Variants in DIPK1A observed in about 807,000 individuals in gnomAD.
The protein encoded by DIPK1A is divergent protein kinase domain 1A, also known as family with sequence similarity 69 member A.
A neutral mutation model predicts 40.8 loss-of-function variants in DIPK1A; 27 were observed. The observed-to-expected ratio is 0.66, with a 90% confidence interval of 0.49 to 0.91. DIPK1A has a LOEUF of 0.91. Ranked by LOEUF, DIPK1A falls within the 40% of genes least tolerant of loss-of-function variation. The pLI is 0.00. For synonymous variants in DIPK1A, 166 were observed against 171.3 expected, an observed-to-expected ratio of 0.97 and a Z score of 0.24; for missense variants, 412 against 505.7, an observed-to-expected ratio of 0.81 and a Z score of 1.78.
chr1:92,870,268 C>T (rs1285002516), intron 2 of DIPK1A, among the ~76,000 whole-genome samples: 1 of 152,146 alleles, frequency 6.6e-6, no homozygotes, highest in Non-Finnish European at 1.5e-5. Flanking sequence ...CTTTGTTGCC[C>T]AGGCTGGAGT....
At chr1:92,846,545 T>G (rs965938392) in intron 4 of DIPK1A, 7 of 422,540 alleles carry the variant, frequency 1.7e-5, no homozygotes, top group Non-Finnish European at 3.3e-5. Flanking sequence ...TCCAATTAAT[T>G]AATGAACTCC....
intron 1 of DIPK1A, among the ~76,000 whole-genome samples, chr1:92,897,662 A>C (rs1415791860): frequency 1.3e-5 from 2 of 152,204 alleles, no homozygotes; most frequent in Non-Finnish European, 2.9e-5. Context: ...ATAATAAAAA[A>C]AAAATTTCCT....
chr1:92,836,826 G>A (rs1167437698), intron 4 of DIPK1A: 1 of 208,424 alleles, frequency 4.8e-6, no homozygotes, highest in Non-Finnish European at 9.8e-6. Flanking sequence ...CCTGCAACTA[G>A]GAATAAGATT....
chr1:92,835,265 C>T (rs1228544986), intron 4 of DIPK1A: 4 of 363,502 alleles, frequency 1.1e-5, no homozygotes, highest in Non-Finnish European at 2.1e-5. Flanking sequence ...TGTTGGCAAA[C>T]ATTAAAAATG....
Position 92,842,567 on chromosome 1 carries a change from G to A in DIPK1A, c.*816C>T. On this transcript the variant is annotated 3_prime_UTR_variant, in exon 5 of 5. Transcript: ENST00000370310. ...AGGATATACTGTTTGAAAATGGAAA[G>A]TTATTACTAAAAAGTCTGCTATAAT... The A allele has an allele frequency of 1.0e-6, 1 of 984,676 alleles. No homozygotes were observed. The highest frequency in any genetic ancestry group is 1.2e-6 in the Non-Finnish European group (1 of 829,674). 61.0% of individuals were successfully genotyped at this position (984,676 alleles called of 1,614,324 possible). A position where few individuals can be genotyped will look rare whatever the true frequency, so the allele number is the denominator to read the frequency against.
chr1:92,877,568 G>A (rs753736686), intron 1 of DIPK1A, among the ~76,000 whole-genome samples: 9 of 152,196 alleles, frequency 5.9e-5, no homozygotes, highest in Non-Finnish European at 1.3e-4. Flanking sequence ...CCTATTTGTG[G>A]TTTAGATATC....
chr1:92,913,763 C>A (rs1038183136), intron 1 of DIPK1A, among the ~76,000 whole-genome samples: 1 of 152,208 alleles, frequency 6.6e-6, no homozygotes, highest in Non-Finnish European at 1.5e-5. Context: ...TTGGCCCTCT[C>A]TGCCTGTCTC....
chr1:92,863,564 T>C (rs749263314), intron 2 of DIPK1A, among the ~76,000 whole-genome samples: 1 of 94,366 alleles, frequency 1.1e-5, no homozygotes, highest in Non-Finnish European at 2.1e-5. Context: ...AAGACCCCTG[T>C]CTCTACCAAA....
At chr1:92,900,966 G>C (rs1275135891) in intron 1 of DIPK1A, among the ~76,000 whole-genome samples, 1 of 151,886 alleles carries the variant, frequency 6.6e-6, no homozygotes, top group Non-Finnish European at 1.5e-5. Flanking sequence ...GGTTTTCATA[G>C]AGAAAAACTT....
intron 1 of DIPK1A, among the ~76,000 whole-genome samples, chr1:92,897,924 C>T (rs949558970): frequency 6.6e-6 from 1 of 152,038 alleles, no homozygotes; most frequent in African/African-American, 2.4e-5. Context: ...TGTGGTGAAA[C>T]CTTATCTCTA....
At chr1:92,834,323 CT>C (rs1687032859) in intron 4 of DIPK1A, among the ~76,000 whole-genome samples, 1 of 152,146 alleles carries the variant, frequency 6.6e-6, no homozygotes, top group Non-Finnish European at 1.5e-5. Flanking sequence ...CATGAAAGAC[CT>C]TTAGGAAGTG....
downstream of DIPK1A, chr1:92,841,911 A>T (rs1429539349): frequency 2.9e-6 from 4 of 1,377,422 alleles, no homozygotes; most frequent in Admixed American, 5.1e-5. Flanking sequence ...TAATAAACTT[A>T]TGAACAGCAA....
In DIPK1A at chr1:92,843,605, A is replaced by G. The variant is rs1687466483; in HGVS notation, c.1065T>C (p.Thr355=). The G allele has an allele frequency of 6.4e-7, 1 of 1,551,878 alleles. No homozygotes were observed. Among genetic ancestry groups the G allele is most frequent in the Non-Finnish European group, 8.7e-7 (1 of 1,147,034 alleles). ...CCAAGTTTGGTTGTATCACTTCTGA[A>G]GTACACTTCATTGTACTCTGATCAC... The part of the protein sequence containing the change: ...TSCDQSTMKC[T]SEVIQPNLAK... The change falls in exon 5 of 5, where the codon ACT becomes ACC. Residue 355 remains threonine (T), a synonymous_variant. Transcript: ENST00000370310.
At chr1:92,937,084 C>T (rs1379259340) in intron 1 of DIPK1A, among the ~76,000 whole-genome samples, 5 of 152,152 alleles carry the variant, frequency 3.3e-5, no homozygotes, top group Non-Finnish European at 7.3e-5. Flanking sequence ...TTTAATTGCA[C>T]TTAAGTCCTT....
rs565706622 is a variant in DIPK1A, at chr1:92,905,891, A to G, written c.55-29461T>C. ...TTATTGAAGACACTGTCCTTTCCCC[A>G]ATGTATATTCTTGGCACCTTTGTCA... On this transcript the variant is annotated intron_variant, in intron 1 of 4. Transcript: ENST00000370310. Among the ~76,000 whole-genome samples, 6 of 152,206 alleles carry G rather than the reference A, an allele frequency of 3.9e-5. No homozygotes were observed. The South Asian group carries it at 1.2e-3, about 32-fold the overall frequency.
chr1:92,856,058 C>A (rs1412042040), intron 2 of DIPK1A, among the ~76,000 whole-genome samples: 2 of 151,978 alleles, frequency 1.3e-5, no homozygotes, highest in Non-Finnish European at 2.9e-5. Flanking sequence ...GCCTGAGTGA[C>A]AGAGTGAGAC....
intron 1 of DIPK1A, among the ~76,000 whole-genome samples, chr1:92,943,415 G>A (rs993958915): frequency 1.4e-4 from 21 of 152,098 alleles, no homozygotes; most frequent in Admixed American, 1.3e-3. Context: ...TCTGGGCTCC[G>A]AGCCAACAGG....
chr1:92,849,019 AT>A (rs1415377178), intron 3 of DIPK1A, among the ~76,000 whole-genome samples: 5 of 151,860 alleles, frequency 3.3e-5, no homozygotes, highest in Non-Finnish European at 7.4e-5. Flanking sequence ...GTAAGGTAGA[AT>A]TTTTTTTCAT....
chr1:92,902,480 G>A (rs1649459820), intron 1 of DIPK1A, among the ~76,000 whole-genome samples: 1 of 152,172 alleles, frequency 6.6e-6, no homozygotes, highest in African/African-American at 2.4e-5. Flanking sequence ...AGATGGCATA[G>A]TGCAGTAGCC....
Sources: allele counts gnomAD v4.1 joint callset (sites outside exome capture counted in the v4.1 genomes callset), GRCh38; gene constraint gnomAD v4.1.1; transcripts MANE v1.5; gene names NCBI Gene and HGNC (gene_info 2026-07-23, HGNC 2026-07-21).